Variants in DAP observed in about 807,000 individuals in gnomAD.
The protein encoded by DAP is death-associated protein 1.
Under a neutral mutation model 13.8 loss-of-function variants are expected in DAP, and 8 were observed. The observed-to-expected ratio is 0.58, with a 90% CI of 0.34 to 1.05. The LOEUF is 1.05. Among genes scored for constraint, DAP ranks in the 50% least tolerant of loss-of-function variants. The pLI is 0.03. For missense variants in DAP, 106 were observed against 133.2 expected (o/e 0.80, Z 1.01); for synonymous variants, 47 against 47.5 (o/e 0.99, Z 0.04).
At chr5:10,755,226 C>T (rs1021826267) in intron 1 of DAP, among the ~76,000 whole-genome samples, 7 of 151,992 alleles carry the variant, frequency 4.6e-5, no homozygotes, top group South Asian at 2.1e-4. Context: ...TGGAGGAAGG[C>T]GCCACGAGCC....
At chr5:10,760,220 C>A (rs1223523858) in intron 1 of DAP, among the ~76,000 whole-genome samples, 1 of 152,180 alleles carries the variant, frequency 6.6e-6, no homozygotes, top group Non-Finnish European at 1.5e-5. Context: ...GCTTCTGAGA[C>A]CCAAGGCCTT....
intron 2 of DAP, among the ~76,000 whole-genome samples, chr5:10,711,343 C>T (rs1027989483): frequency 6.6e-6 from 1 of 152,186 alleles, no homozygotes; most frequent in Non-Finnish European, 1.5e-5. Flanking sequence ...GCCAGGCGAT[C>T]CATGTCTGCA....
intron 2 of DAP, among the ~76,000 whole-genome samples, chr5:10,704,866 C>G (rs1177648784): frequency 6.6e-6 from 1 of 152,122 alleles, no homozygotes; most frequent in Non-Finnish European, 1.5e-5. Flanking sequence ...TAGAGGTAGA[C>G]AGTCCCTGTG....
chr5:10,706,174 C>T (rs1056343752), intron 2 of DAP, among the ~76,000 whole-genome samples: 19 of 152,322 alleles, frequency 1.2e-4, no homozygotes, highest in African/African-American at 3.8e-4. Context: ...GTTAGGATAA[C>T]TTTTAGTTCT....
At chr5:10,759,690 G>C (rs188314434) in intron 1 of DAP, among the ~76,000 whole-genome samples, 1 of 151,522 alleles carries the variant, frequency 6.6e-6, no homozygotes, top group Non-Finnish European at 1.5e-5. Flanking sequence ...CATTGTGCTG[G>C]TGCAGAGAAT....
chr5:10,732,533 T>C (rs2126667816), intron 2 of DAP, among the ~76,000 whole-genome samples: 1 of 152,366 alleles, frequency 6.6e-6, no homozygotes, highest in East Asian at 1.9e-4. Flanking sequence ...ACTTCATTCT[T>C]TGTATGACTT....
intron 2 of DAP, among the ~76,000 whole-genome samples, chr5:10,724,417 A>G (rs1739232785): frequency 6.6e-6 from 1 of 152,186 alleles, no homozygotes; most frequent in African/African-American, 2.4e-5. Context: ...TCTTTTCTCT[A>G]TAAAAGTCCC....
intron 1 of DAP, among the ~76,000 whole-genome samples, chr5:10,758,365 TGAGGGGTG>T (rs1740247573): frequency 3.2e-5 from 1 of 31,598 alleles, no homozygotes; most frequent in Non-Finnish European, 1.5e-4. Flanking sequence ...TGTTGGCATC[TGAGGGGTG>T]CTGTTGGCAT....
chr5:10,727,113 CATT>C (rs1197243497), intron 2 of DAP, among the ~76,000 whole-genome samples: 1 of 152,206 alleles, frequency 6.6e-6, no homozygotes, highest in Non-Finnish European at 1.5e-5. Context: ...CTTATACGAA[CATT>C]ATTAACTTGG....
In DAP at chr5:10,683,672, T is replaced by C. The variant is rs139792647; in HGVS notation, c.153-101A>G. 769 of 1,121,452 alleles carry C rather than the reference T, an allele frequency of 6.9e-4. 5 individuals are homozygous for C. In the African/African-American group the frequency reaches 0.01, roughly 15 times the overall value. 69.5% of individuals were successfully genotyped at this position (1,121,452 alleles called of 1,614,324 possible). The stretch of plus-strand genomic sequence containing the variant: ...TGTGGATGAGCCAGGCTGGAGGGCG[T>C]GGAGGCAGAATGGGAAGCAAACCTC... On this transcript the variant is annotated intron_variant, in intron 2 of 3. Coordinates refer to ENST00000230895, the MANE Select transcript of DAP (RefSeq NM_004394.3).
chr5:10,680,985 G>A lies in DAP; in HGVS notation c.*71C>T. 2 of 1,548,988 alleles carry A rather than the reference G, an allele frequency of 1.3e-6. No homozygotes were observed. Among genetic ancestry groups the A allele is most frequent in the South Asian group, 1.2e-5 (1 of 84,128 alleles). ...AGAGTAGGATTTGGGCGAAACTGCT[G>A]GTTCTCTCTGTCAGGGAAATACCAA... is the stretch of plus-strand genomic sequence containing the variant. On this transcript the variant is annotated 3_prime_UTR_variant, in exon 4 of 4. Transcript: ENST00000230895.
At chr5:10,715,929 C>T (rs994672574) in intron 2 of DAP, among the ~76,000 whole-genome samples, 1 of 152,222 alleles carries the variant, frequency 6.6e-6, no homozygotes, top group Non-Finnish European at 1.5e-5. Flanking sequence ...CTCGATAATA[C>T]ACCATGCCTA....
At chr5:10,739,151 G>A (rs953966511) in intron 2 of DAP, among the ~76,000 whole-genome samples, 7 of 129,472 alleles carry the variant, frequency 5.4e-5, no homozygotes, top group Admixed American at 9.7e-5. Context: ...GCAGAGAGCC[G>A]AGATCGCACT....
intron 2 of DAP, among the ~76,000 whole-genome samples, chr5:10,746,056 A>C (rs752204386): frequency 2.0e-5 from 3 of 152,262 alleles, no homozygotes; most frequent in Non-Finnish European, 2.9e-5. Flanking sequence ...CATATAGATT[A>C]CAATATACTG....
intron 2 of DAP, among the ~76,000 whole-genome samples, chr5:10,684,298 G>A (rs777517558): frequency 2.0e-5 from 3 of 152,092 alleles, no homozygotes; most frequent in Non-Finnish European, 2.9e-5. Flanking sequence ...CCCTTCCAGC[G>A]TCCTCACAGG....
At chr5:10,710,841 C>T (rs1182050919) in intron 2 of DAP, among the ~76,000 whole-genome samples, 2 of 152,170 alleles carry the variant, frequency 1.3e-5, no homozygotes, top group East Asian at 3.9e-4. Flanking sequence ...TCTGGGACAA[C>T]TGAAGGTATC....
intron 2 of DAP, among the ~76,000 whole-genome samples, chr5:10,702,417 G>A (rs1183031491): frequency 6.6e-6 from 1 of 152,180 alleles, no homozygotes; most frequent in Non-Finnish European, 1.5e-5. Context: ...TTATTTTTGT[G>A]ACCCGACAAT....
intron 1 of DAP, among the ~76,000 whole-genome samples, chr5:10,752,585 G>C (rs1295705939): frequency 6.6e-6 from 1 of 152,194 alleles, no homozygotes; most frequent in East Asian, 1.9e-4. Context: ...CTGTGCAGAG[G>C]ATAAGAACAC....
intron 1 of DAP, among the ~76,000 whole-genome samples, chr5:10,751,122 C>T (rs1740035928): frequency 6.6e-6 from 1 of 152,156 alleles, no homozygotes; most frequent in Non-Finnish European, 1.5e-5. Flanking sequence ...AGGGGTGTGG[C>T]CTCTGAGCAT....
Sources: allele counts gnomAD v4.1 joint callset (sites outside exome capture counted in the v4.1 genomes callset), GRCh38; gene constraint gnomAD v4.1.1; transcripts MANE v1.5; gene names NCBI Gene and HGNC (gene_info 2026-07-23, HGNC 2026-07-21).